The following ZFP28 variants were observed in gnomAD, a reference collection of about 807,000 sequenced individuals.
ZFP28 encodes the protein zinc finger protein 28 homolog.
Under a neutral mutation model 39.5 loss-of-function variants are expected in ZFP28, and 31 were observed. The ratio of observed to expected loss-of-function variants is 0.79; its 90% CI spans 0.59 to 1.06. The LOEUF is 1.06. ZFP28 is among the 50% of genes least tolerant of loss of function. The probability of loss-of-function intolerance (pLI) is 0.00; values close to 1 mark genes in which losing one functional copy is unlikely to be tolerated. For missense variants in ZFP28, 925 were observed against 1,048.4 expected (o/e 0.88, Z 1.63); for synonymous variants, 400 against 378.6 (o/e 1.06, Z -0.66).
In ZFP28 at chr19:56,554,647, AGTGT is replaced by A. The variant is rs1476282596; in HGVS notation, c.1864_1867del (p.Cys622GlufsTer206). ...GGGGAGAAGCCTTTTGAATGTGCGG[AGTGT>A]GGAAAATCCTTCAGCATCAGTTCTC... On this transcript the variant is annotated frameshift_variant, in exon 8 of 8. Transcript: ENST00000301318. LOFTEE classifies it low-confidence loss of function (END_TRUNC). This position sits in a 1 kb window ranked among gnomAD's most constrained non-coding sequence, Gnocchi z 6.7. The A allele has an allele frequency of 6.2e-7, 1 of 1,613,412 alleles. No individual in the cohort carries two copies. Among genetic ancestry groups the A allele is most frequent in the South Asian group, 1.1e-5 (1 of 91,046 alleles).
At chr19:56,550,812 T>C (rs1022998796) in intron 7 of ZFP28, 9 of 1,498,692 alleles carry the variant, frequency 6.0e-6, no homozygotes, top group Non-Finnish European at 8.0e-6. Context: ...TCCCTGAAGT[T>C]CCTTCTTTTC....
At chr19:56,537,251 G>C (rs1407658725), upstream of ZFP28, among the ~76,000 whole-genome samples, 2 of 152,142 alleles carry the variant, frequency 1.3e-5, no homozygotes, top group East Asian at 3.9e-4. Flanking sequence ...GTGGAATGTT[G>C]AGTTGGCCAC....
At position 56,550,519 on chromosome 19, in the gene ZFP28, T is replaced by C; in HGVS notation, c.812T>C (p.Val271Ala). Residue 271 changes from valine (V) to alanine (A), a missense_variant, in exon 7 of 8, where the codon GTG becomes GCG. Val to Ala is a moderately conservative substitution (Grantham distance 64, BLOSUM62 0). Around this residue, in one of 2 missense-constraint regions of ZFP28, gnomAD observed 556 missense variants for 542.9 expected, o/e 1.02. Coordinates refer to ENST00000301318, the MANE Select transcript of ZFP28 (RefSeq NM_020828.2). ...NSDLGSAGHC[V>A]AKPDLVSLLE... ...CTTTTCACTTTTTCAGGACATTGTGTGGCTAAGCCAGATTTAGTCTCTTTA... is the reference window on the plus strand; with the variant it reads ...CTTTTCACTTTTTCAGGACATTGTGCGGCTAAGCCAGATTTAGTCTCTTTA... The C allele has an allele frequency of 6.2e-7, 1 of 1,613,810 alleles. No homozygotes were observed. The highest frequency in any genetic ancestry group is 8.5e-7 in the Non-Finnish European group (1 of 1,179,948).
rs1294151133 is a variant in ZFP28 at position 56,551,917 on chromosome 19, C to T, written c.898+1312C>T. 7 of 982,916 alleles carry T rather than the reference C, an allele frequency of 7.1e-6. No individual in the cohort carries two copies. The African/African-American group carries it at 8.7e-5, about 12-fold the overall frequency. The allele number at this position is 982,916 out of a possible 1,614,324, so 60.9% of individuals were successfully genotyped here. A position where few individuals can be genotyped will look rare whatever the true frequency, so the allele number is the denominator to read the frequency against. On this transcript the variant is annotated intron_variant, in intron 7 of 7. Coordinates refer to ENST00000301318, the MANE Select transcript of ZFP28 (RefSeq NM_020828.2). Reference sequence around the variant, plus strand: ...GATATATTGTCTCAAACTATTTTCACATATGGCAATAAGAGTTTTAATTTT... The same window carrying T: ...GATATATTGTCTCAAACTATTTTCATATATGGCAATAAGAGTTTTAATTTT...
rs1176959343 is a variant in ZFP28, at chr19:56,539,067, G to A, written c.49G>A (p.Gly17Ser). Reference sequence around the variant, plus strand: ...TGTCCGCGAGCCGACGCCGCTCCCGGGTAGAGGCGCCCCCCGCACAAAGCC... The same window carrying A: ...TGTCCGCGAGCCGACGCCGCTCCCGAGTAGAGGCGCCCCCCGCACAAAGCC... ...ASVREPTPLP[G>S]RGAPRTKPRA... The change falls in exon 1 of 8, where the codon GGT (glycine) becomes AGT (serine). Residue 17 changes from glycine to serine, a missense_variant. By Grantham distance (56) the Gly-to-Ser change is moderately conservative. Around this residue, in one of 2 missense-constraint regions of ZFP28, gnomAD observed 556 missense variants for 542.9 expected, o/e 1.02. Coordinates refer to ENST00000301318, the MANE Select transcript of ZFP28 (RefSeq NM_020828.2). 6.6e-7 allele frequency: 1 copy of A among 1,523,710 alleles called. No individual in the cohort carries two copies. Among genetic ancestry groups the A allele is most frequent in the Non-Finnish European group, 8.8e-7 (1 of 1,140,416 alleles). The allele number at this position is 1,523,710 out of a possible 1,614,324, so 94.4% of individuals were successfully genotyped here.
rs2044253944 is a variant in ZFP28 at position 56,547,588 on chromosome 19, G to A, written c.381G>A (p.Leu127=). ...GGCTGAACCCCATTCAGAGGAACTTGTACAGGAAGGTGATGTTGGAGAACT... is the reference window on the plus strand; with the variant it reads ...GGCTGAACCCCATTCAGAGGAACTTATACAGGAAGGTGATGTTGGAGAACT... ...WEWLNPIQRN[L]YRKVMLENYR... Residue 127 remains leucine, a synonymous_variant, in exon 3 of 8, where the codon TTG becomes TTA. Transcript: ENST00000301318. The surrounding 1 kb of genome is among the most constrained non-coding windows in gnomAD (Gnocchi z 4.6). The A allele has an allele frequency of 2.5e-6, 4 of 1,613,646 alleles. No homozygotes were observed. Among genetic ancestry groups the A allele is most frequent in the African/African-American group, 2.7e-5 (2 of 74,886 alleles).
At position 56,547,941 on chromosome 19, in the gene ZFP28, G is replaced by A; in HGVS notation, c.523+39G>A. 6.2e-7 allele frequency: 1 copy of A among 1,603,836 alleles called. No homozygotes were observed. Among genetic ancestry groups the A allele is most frequent in the Non-Finnish European group, 8.5e-7 (1 of 1,171,874 alleles). On this transcript the variant is annotated intron_variant, in intron 4 of 7. Transcript: ENST00000301318. The surrounding 1 kb of genome is among the most constrained non-coding windows in gnomAD (Gnocchi z 4.6). Reference sequence around the variant, plus strand: ...AACCAGGTAGGGTGAGGCCACTGCTGGTCATAGTTCAGCTGACTCAGACAC... The same window carrying A: ...AACCAGGTAGGGTGAGGCCACTGCTAGTCATAGTTCAGCTGACTCAGACAC...
chr19:56,544,355 GA>G (rs2044221922), intron 2 of ZFP28, among the ~76,000 whole-genome samples: 1 of 152,164 alleles, frequency 6.6e-6, no homozygotes, highest in African/African-American at 2.4e-5. Flanking sequence ...AAGAATACAT[GA>G]AAATTAAATG....
Position 56,539,101 on chromosome 19 carries a change from G to T in ZFP28, c.83G>T (p.Gly28Val). 2 of 1,550,696 alleles carry T rather than the reference G, an allele frequency of 1.3e-6. No individual in the cohort carries two copies. The stretch of plus-strand genomic sequence containing the variant: ...GCCCCCCGCACAAAGCCCCGGGCGG[G>T]CCGAGGCCCGACTGTAGGGACTCCA... ...RGAPRTKPRA[G>V]RGPTVGTPAT... Residue 28 changes from glycine to valine, a missense_variant, in exon 1 of 8, where the codon GGC (glycine) becomes GTC (valine). By Grantham distance (109) the Gly-to-Val change is moderately radical. This residue lies in a region of ZFP28 where 556 missense variants were observed against 542.9 expected (regional missense o/e 1.02). Coordinates refer to ENST00000301318, the MANE Select transcript of ZFP28 (RefSeq NM_020828.2).
chr19:56,537,785 C>T (rs2044147364), upstream of ZFP28: 1 of 152,312 alleles, frequency 6.6e-6, no homozygotes, highest in East Asian at 1.9e-4. Flanking sequence ...TGCAGTGTGA[C>T]TGGGCGTGCA....
At position 56,554,504 on chromosome 19, in the gene ZFP28, T is replaced by A; in HGVS notation, c.1719T>A (p.His573Gln). The A allele has an allele frequency of 1.2e-6, 2 of 1,614,220 alleles. No homozygotes were observed. Among genetic ancestry groups the A allele is most frequent in the South Asian group, 2.2e-5 (2 of 91,088 alleles). The change falls in exon 8 of 8, where the codon CAT becomes CAA. Residue 573 changes from histidine (H) to glutamine (Q), a missense_variant. This residue lies in a region of ZFP28 where 369 missense variants were observed against 505.5 expected (regional missense o/e 0.73). Coordinates refer to ENST00000301318, the MANE Select transcript of ZFP28 (RefSeq NM_020828.2). This position sits in a 1 kb window ranked among gnomAD's most constrained non-coding sequence, Gnocchi z 6.7. The stretch of plus-strand genomic sequence containing the variant: ...TTTGCAGAAAAGCCTTCAGCCATCA[T>A]GCATCACTCACTCAACATCAAAGAG... ...CDVCRKAFSH[H>Q]ASLTQHQRVH...
At chr19:56,550,476 A>G (rs923433683) in intron 6 of ZFP28, 34 bp from the exon 7 acceptor site, 2 of 1,509,142 alleles carry the variant, frequency 1.3e-6, no homozygotes, top group Non-Finnish European at 1.8e-6. Context: ...TGCCAAGACT[A>G]TTGGCCAAAC....
At chr19:56,538,883 C>A, upstream of ZFP28, 1 of 691,956 alleles carries the variant, frequency 1.4e-6, no homozygotes, top group Non-Finnish European at 1.9e-6. Context: ...GGGGCGGCTC[C>A]GCGGCGCGGC....
At chr19:56,542,272 G>C (rs117617135) in intron 2 of ZFP28, among the ~76,000 whole-genome samples, 3,296 of 152,144 alleles carry the variant, frequency 0.022, 57 homozygotes, top group East Asian at 0.11. Flanking sequence ...TCCCATCTCA[G>C]CCTCCGAAGT....
rs867362610 is a variant in ZFP28, at chr19:56,555,717, G to A, written c.*325G>A. ...TAGGAAAAAGCACATTTTCTATCAG[G>A]AACAGAATTCTCCAGTAGTGGGTGA... On this transcript the variant is annotated 3_prime_UTR_variant, in exon 8 of 8. Coordinates refer to ENST00000301318, the MANE Select transcript of ZFP28 (RefSeq NM_020828.2). 4.2e-6 allele frequency: 1 copy of A among 237,780 alleles called. No individual in the cohort carries two copies. The highest frequency in any genetic ancestry group is 5.2e-5 in the Admixed American group (1 of 19,174). The allele number at this position is 237,780 out of a possible 1,614,324, so 14.7% of individuals were successfully genotyped here. A position where few individuals can be genotyped will look rare whatever the true frequency, so the allele number is the denominator to read the frequency against.
chr19:56,550,598 G>T lies in ZFP28; in HGVS notation c.891G>T (p.Leu297=), dbSNP rs747611998. ...WMVKRELTGS[L]FSGQRSVHET... is the part of the protein sequence containing the mutation. The stretch of plus-strand genomic sequence containing the variant: ...TGAAGCGAGAGCTGACAGGAAGCCT[G>T]TTCTCAGGTGAGTGCAGGAGAGCCT... The change falls in exon 7 of 8, where the codon CTG becomes CTT. Residue 297 remains leucine (L), a synonymous_variant. Transcript: ENST00000301318. 2.2e-5 allele frequency: 36 copies of T among 1,614,100 alleles called. No individual in the cohort carries two copies. The highest frequency in any genetic ancestry group is 3.1e-5 in the Non-Finnish European group (36 of 1,180,034).
In ZFP28 at chr19:56,547,840, C is replaced by T. The variant is rs373914867; in HGVS notation, c.461C>T (p.Ser154Leu). The change falls in exon 4 of 8, where the codon TCG becomes TTG. Residue 154 changes from serine to leucine, a missense_variant. Around this residue, in one of 2 missense-constraint regions of ZFP28, gnomAD observed 556 missense variants for 542.9 expected, o/e 1.02. Transcript: ENST00000301318. This position sits in a 1 kb window ranked among gnomAD's most constrained non-coding sequence, Gnocchi z 4.6. ...GTTTCTAAGCCCGATGTGATCTCCTCGTTGGAACAAGGAAAAGAGCCTTGG... is the reference window on the plus strand; with the variant it reads ...GTTTCTAAGCCCGATGTGATCTCCTTGTTGGAACAAGGAAAAGAGCCTTGG... ...LCVSKPDVISSLEQGKEPWTV... is the reference protein window; with the variant it reads ...LCVSKPDVISLLEQGKEPWTV... 24 of 1,613,928 alleles carry T rather than the reference C, an allele frequency of 1.5e-5. No homozygotes were observed. The highest frequency in any genetic ancestry group is 4.5e-5 in the East Asian group (2 of 44,882).
chr19:56,543,714 A>G (rs1432463411), intron 2 of ZFP28, among the ~76,000 whole-genome samples: 3 of 152,232 alleles, frequency 2.0e-5, no homozygotes, highest in East Asian at 3.8e-4. Context: ...AGCAACAGGA[A>G]TAAGAACAGG....
At chr19:56,541,300 C>A (rs1039391077) in intron 2 of ZFP28, among the ~76,000 whole-genome samples, 1 of 151,260 alleles carries the variant, frequency 6.6e-6, no homozygotes, top group Admixed American at 6.6e-5. Context: ...CATATTTGGT[C>A]CTGATGCAAA....
Sources: allele counts gnomAD v4.1 joint callset (sites outside exome capture counted in the v4.1 genomes callset), GRCh38; gene constraint gnomAD v4.1.1; regional missense constraint gnomAD v4.1.1; non-coding constraint Gnocchi (gnomAD v3.1); transcripts MANE v1.5; gene names NCBI Gene and HGNC (gene_info 2026-07-23, HGNC 2026-07-21).